The following HYDIN variants were observed in gnomAD, a reference collection of about 807,000 sequenced individuals.
HYDIN encodes the protein HYDIN axonemal central pair apparatus protein.
HYDIN carries 132 observed loss-of-function variants against 403.9 expected under a neutral mutation model. That is an observed-to-expected ratio of 0.33 (90% CI 0.28 to 0.38). HYDIN has a LOEUF of 0.38. HYDIN is among the 10% of genes least tolerant of loss of function. The pLI, the probability that HYDIN is intolerant of heterozygous loss-of-function variation, is 1.00. For missense variants in HYDIN, 2,827 were observed against 5,009.5 expected, an observed-to-expected ratio of 0.56 and a Z score of 13.15; for synonymous variants, 1,202 against 1,891.7, an observed-to-expected ratio of 0.64 and a Z score of 9.46.
At chr16:70,831,527 A>C (rs55886117) in intron 80 of HYDIN, among the ~76,000 whole-genome samples, 434 of 137,220 alleles carry the variant, frequency 3.2e-3, no homozygotes, top group African/African-American at 0.012. Context: ...AAAAAAAAAA[A>C]CCAAAAAAAA....
chr16:71,215,176 C>G (rs552233383), intron 1 of HYDIN, among the ~76,000 whole-genome samples: 2 of 150,930 alleles, frequency 1.3e-5, no homozygotes, highest in Non-Finnish European at 1.5e-5. Flanking sequence ...TTAGAGGTCA[C>G]TAGAGTACCA....
Position 70,860,221 on chromosome 16 carries a change from G to A in HYDIN, c.11991-15C>T, listed in dbSNP as rs1308015131. On this transcript the variant is annotated splice_polypyrimidine_tract_variant and intron_variant, in intron 70 of 85. Transcript: ENST00000393567. Reference sequence around the variant, plus strand: ...TGGTAAAGGTCCTGGCCAGGGTGGAGAGAATTGACAGAAGAGAGTGGGACA... The same window carrying A: ...TGGTAAAGGTCCTGGCCAGGGTGGAAAGAATTGACAGAAGAGAGTGGGACA... 6.8e-6 allele frequency: 11 copies of A among 1,608,728 alleles called. No homozygotes were observed. The South Asian group carries it at 1.0e-4, about 15-fold the overall frequency.
intron 12 of HYDIN, among the ~76,000 whole-genome samples, chr16:71,081,282 A>G (rs2082778356): frequency 6.6e-6 from 1 of 151,936 alleles, no homozygotes; most frequent in Admixed American, 6.6e-5. Context: ...AGGTTGTTGT[A>G]AGCCTGGGAG....
intron 58 of HYDIN, among the ~76,000 whole-genome samples, chr16:70,885,795 T>C (rs1567766453): frequency 6.6e-6 from 1 of 152,044 alleles, no homozygotes; most frequent in East Asian, 1.9e-4. Context: ...TAGAAAATTA[T>C]GTTTGTTAAT....
chr16:70,809,620 G>T (rs902401045), intron 85 of HYDIN, among the ~76,000 whole-genome samples, 163 bp downstream of exon 85: 3 of 152,212 alleles, frequency 2.0e-5, no homozygotes, highest in Admixed American at 2.0e-4. Flanking sequence ...CTAGCTGGGA[G>T]TTTCCAGGCT....
At chr16:70,957,513 G>A (rs1391294242) in intron 39 of HYDIN, among the ~76,000 whole-genome samples, 1 of 152,020 alleles carries the variant, frequency 6.6e-6, no homozygotes, top group African/African-American at 2.4e-5. Flanking sequence ...TTTTAGTAGA[G>A]ACAGGGTTTC....
chr16:70,923,769 C>T (rs2077071089), intron 45 of HYDIN, among the ~76,000 whole-genome samples: 2 of 147,236 alleles, frequency 1.4e-5, no homozygotes, highest in South Asian at 4.3e-4. Context: ...TGCAGTGAGC[C>T]GAGATCATGC....
chr16:71,201,254 T>C (rs753707615), intron 1 of HYDIN, among the ~76,000 whole-genome samples: 1 of 152,250 alleles, frequency 6.6e-6, no homozygotes, highest in Non-Finnish European at 1.5e-5. Context: ...CTGTTATACA[T>C]GCCTTGCATA....
chr16:70,810,627 C>T (rs1188871035), intron 84 of HYDIN, among the ~76,000 whole-genome samples: 2 of 151,870 alleles, frequency 1.3e-5, no homozygotes, highest in African/African-American at 4.8e-5. Context: ...GTCAGGAGTT[C>T]GAAACCAGGC....
At chr16:70,839,871 G>C (rs2143539688) in intron 76 of HYDIN, among the ~76,000 whole-genome samples, 193 bp downstream of exon 76, 1 of 146,734 alleles carries the variant, frequency 6.8e-6, no homozygotes, top group Admixed American at 6.8e-5. Flanking sequence ...ATTTTTAGCA[G>C]GGTAGCTCGT....
chr16:70,880,487 C>A (rs1353111756), intron 60 of HYDIN, among the ~76,000 whole-genome samples: 1 of 151,722 alleles, frequency 6.6e-6, no homozygotes, highest in East Asian at 1.9e-4. Flanking sequence ...GAGAGATGGA[C>A]AGAGCATCCG....
chr16:70,916,461 C>G (rs1460776150), intron 47 of HYDIN, among the ~76,000 whole-genome samples: 1 of 152,098 alleles, frequency 6.6e-6, no homozygotes, highest in Non-Finnish European at 1.5e-5. Context: ...CTTCCTTTCC[C>G]ACTTCTGCAG....
chr16:70,846,173 G>T (rs1345734714), intron 75 of HYDIN, among the ~76,000 whole-genome samples: 1 of 145,330 alleles, frequency 6.9e-6, no homozygotes, highest in Non-Finnish European at 1.5e-5. Context: ...TCTCTTGTGG[G>T]CATTTAGTGC....
At chr16:70,818,230 A>G (rs2035973066) in intron 84 of HYDIN, 112 bp downstream of exon 84, 2 of 618,526 alleles carry the variant, frequency 3.2e-6, no homozygotes, top group Non-Finnish European at 5.8e-6. Flanking sequence ...CTTCCTGACC[A>G]CTGTCAGGGC....
chr16:71,030,397 G>GTGTATA (rs1377653495), intron 19 of HYDIN, among the ~76,000 whole-genome samples: 3 of 151,002 alleles, frequency 2.0e-5, no homozygotes, highest in Non-Finnish European at 3.0e-5. Flanking sequence ...ATATGTGTGT[G>GTGTATA]TGTATATGTA....
intron 15 of HYDIN, 33 bp from the exon 16 acceptor site, chr16:71,064,873 C>T (rs1309231686): frequency 6.2e-7 from 1 of 1,600,934 alleles, no homozygotes; most frequent in African/African-American, 1.3e-5. Flanking sequence ...CAATTCAAAA[C>T]AGAGAGCTTG....
At chr16:71,127,046 A>C (rs2084494233) in intron 9 of HYDIN, among the ~76,000 whole-genome samples, 1 of 152,278 alleles carries the variant, frequency 6.6e-6, no homozygotes, top group Non-Finnish European at 1.5e-5. Context: ...TATTTATATA[A>C]AACTTTCAGG....
At chr16:71,002,951 G>A (rs1348161117) in intron 23 of HYDIN, among the ~76,000 whole-genome samples, 1 of 151,990 alleles carries the variant, frequency 6.6e-6, no homozygotes, top group Non-Finnish European at 1.5e-5. Flanking sequence ...TGGGATTACA[G>A]GTGTGATTTT....
chr16:71,092,602 A>G (rs558822515), intron 11 of HYDIN, among the ~76,000 whole-genome samples: 18 of 151,608 alleles, frequency 1.2e-4, no homozygotes, highest in African/African-American at 4.4e-4. Context: ...TTTTTTTGAG[A>G]CAGAGTCTCA....
Sources: gnomAD v4.1 joint callset for allele counts (sites outside exome capture counted in the v4.1 genomes callset) on GRCh38, gnomAD v4.1.1 for gene constraint, MANE v1.5 for transcripts, NCBI Gene and HGNC (gene_info 2026-07-23, HGNC 2026-07-21) for gene names.